TRPC4AP: variants seen among roughly 807,000 people sequenced by gnomAD.
The protein encoded by TRPC4AP is transient receptor potential cation channel subfamily C member 4 associated protein.
TRPC4AP carries 45 observed loss-of-function variants against 99.0 expected under a neutral mutation model. The ratio of observed to expected loss-of-function variants is 0.45; its 90% CI spans 0.36 to 0.58. The LOEUF (loss-of-function observed/expected upper bound fraction) is 0.58. Among genes scored for constraint, TRPC4AP ranks in the 20% least tolerant of loss-of-function variants. TRPC4AP has a pLI of 0.00. For missense variants in TRPC4AP, 879 were observed against 985.3 expected, an observed-to-expected ratio of 0.89 and a Z score of 1.44; for synonymous variants, 408 against 385.8, an observed-to-expected ratio of 1.06 and a Z score of -0.67.
chr20:35,077,044 G>A (rs2084499045), intron 2 of TRPC4AP, among the ~76,000 whole-genome samples: 1 of 152,176 alleles, frequency 6.6e-6, no homozygotes, highest in Admixed American at 6.5e-5. Flanking sequence ...AGGCTCCGTG[G>A]GCATGGGACC....
chr20:35,004,482 G>C lies in TRPC4AP; in HGVS notation c.2025C>G (p.Ile675Met). Residue 675 changes from isoleucine to methionine, a missense_variant, in exon 17 of 19, where the codon ATC (isoleucine) becomes ATG (methionine). This residue lies in a region of TRPC4AP where 224 missense variants were observed against 264.7 expected (regional missense o/e 0.85). Transcript: ENST00000252015. ...CCTGGGTCAGCGTCTGCACGTGGAT[G>C]ATGTTGATGAGGCGGAAGAGGAAGG... ...QMSFLFRLIN[I>M]IHVQTLTQEN... 2 of 1,613,968 alleles carry C rather than the reference G, an allele frequency of 1.2e-6. No homozygotes were observed. The highest frequency in any genetic ancestry group is 1.7e-6 in the Non-Finnish European group (2 of 1,179,912).
intron 7 of TRPC4AP, among the ~76,000 whole-genome samples, chr20:35,041,650 G>T (rs1041169544): frequency 8.5e-5 from 13 of 152,196 alleles, no homozygotes; most frequent in Admixed American, 1.3e-4. Flanking sequence ...AATGGGTAAT[G>T]CTGGTTTTAC....
In TRPC4AP at chr20:35,016,106, G is replaced by T. The variant is rs1179416897; in HGVS notation, c.1252C>A (p.Pro418Thr). ...HRMIAEFKLI[P>T]GLNNLFDKLI... Reference sequence around the variant, plus strand: ...TTGTCAAACAAATTATTAAGTCCAGGGATCAGCTTGAACTCTGCAATCATT... The same window carrying T: ...TTGTCAAACAAATTATTAAGTCCAGTGATCAGCTTGAACTCTGCAATCATT... Residue 418 changes from proline (P) to threonine (T), a missense_variant, in exon 10 of 19, where the codon CCT becomes ACT. This residue lies in a region of TRPC4AP where 603 missense variants were observed against 631.8 expected (regional missense o/e 0.95). Transcript: ENST00000252015. 4.3e-6 allele frequency: 7 copies of T among 1,614,114 alleles called. No homozygotes were observed. The highest frequency in any genetic ancestry group is 5.9e-6 in the Non-Finnish European group (7 of 1,180,022).
chr20:35,073,793 T>C (rs1448950385), intron 2 of TRPC4AP, among the ~76,000 whole-genome samples: 3 of 152,234 alleles, frequency 2.0e-5, no homozygotes, highest in Non-Finnish European at 1.5e-5. Flanking sequence ...TAAAATGAGT[T>C]AGGGAGGATT....
intron 5 of TRPC4AP, among the ~76,000 whole-genome samples, chr20:35,051,599 C>T (rs938138830): frequency 5.5e-5 from 8 of 146,682 alleles, no homozygotes; most frequent in African/African-American, 1.5e-4. Flanking sequence ...GTTCTTCAGT[C>T]GTAGCACTGA....
chr20:35,069,316 C>A lies in TRPC4AP; in HGVS notation c.394G>T (p.Asp132Tyr). ...ETTYPNTYIF[D>Y]LFGGVDLLVE... ...CTTACATCAACACCTCCAAACAAGT[C>A]AAAAATGTAAGTATTTGGATAAGTG... Residue 132 changes from aspartate (D) to tyrosine (Y), a missense_variant, in exon 3 of 19, where the codon GAC (aspartate) becomes TAC (tyrosine). Asp to Tyr is a radical substitution (Grantham distance 160). Around this residue, in one of 3 missense-constraint regions of TRPC4AP, gnomAD observed 603 missense variants for 631.8 expected, o/e 0.95. Coordinates refer to ENST00000252015, the MANE Select transcript of TRPC4AP (RefSeq NM_015638.3). 4 of 1,603,874 alleles carry A rather than the reference C, an allele frequency of 2.5e-6. No homozygotes were observed. The highest frequency in any genetic ancestry group is 1.7e-4 in the Middle Eastern group (1 of 6,032).
chr20:35,083,446 CAA>C (rs961998136), intron 1 of TRPC4AP, among the ~76,000 whole-genome samples: 3 of 138,742 alleles, frequency 2.2e-5, no homozygotes, highest in Admixed American at 7.2e-5. Flanking sequence ...CTAAAAATAC[CAA>C]AAAAAAAAAA....
In TRPC4AP at chr20:35,002,576, C is replaced by T; in HGVS notation, c.*570G>A. 1 of 196,282 alleles carries T rather than the reference C, an allele frequency of 5.1e-6. No individual in the cohort carries two copies. The highest frequency in any genetic ancestry group is 1.0e-5 in the Non-Finnish European group (1 of 97,528). The allele number at this position is 196,282 out of a possible 1,614,324, so 12.2% of individuals were successfully genotyped here. On this transcript the variant is annotated 3_prime_UTR_variant, in exon 19 of 19. Transcript: ENST00000252015. ...TGCCCCAAGGGATGGAGGGAAAGGCCCCTCACTTCTGGGAGAACCCCCTTG... is the reference window on the plus strand; with the variant it reads ...TGCCCCAAGGGATGGAGGGAAAGGCTCCTCACTTCTGGGAGAACCCCCTTG...
intron 10 of TRPC4AP, among the ~76,000 whole-genome samples, chr20:35,014,695 G>A (rs920176027): frequency 2.0e-5 from 3 of 152,170 alleles, no homozygotes; most frequent in Non-Finnish European, 2.9e-5. Flanking sequence ...AAGACAGGTC[G>A]CTGAGGGAAG....
intron 2 of TRPC4AP, among the ~76,000 whole-genome samples, chr20:35,073,100 G>A (rs565248815): frequency 1.3e-5 from 2 of 152,308 alleles, no homozygotes; most frequent in Non-Finnish European, 2.9e-5. Flanking sequence ...GTATAGGAAT[G>A]CTTGCGACTT....
At chr20:35,014,326 T>TTTC (rs1238109212) in intron 10 of TRPC4AP, among the ~76,000 whole-genome samples, 2 of 145,284 alleles carry the variant, frequency 1.4e-5, no homozygotes, top group Non-Finnish European at 1.5e-5. Flanking sequence ...TTTTTTTTTT[T>TTTC]TTTTTTTTTG....
At chr20:35,020,967 A>C (rs1200358761) in intron 9 of TRPC4AP, among the ~76,000 whole-genome samples, 1 of 152,138 alleles carries the variant, frequency 6.6e-6, no homozygotes, top group Non-Finnish European at 1.5e-5. Flanking sequence ...ACCAACCAAG[A>C]CTGCCTAGAA....
At chr20:35,012,272 AAAATATTT>A (rs1177638397) in intron 11 of TRPC4AP, among the ~76,000 whole-genome samples, 2 of 152,260 alleles carry the variant, frequency 1.3e-5, no homozygotes, top group East Asian at 1.9e-4. Context: ...CAAGGTTTTT[AAAATATTT>A]AAACCAACAT....
intron 2 of TRPC4AP, among the ~76,000 whole-genome samples, chr20:35,074,002 G>A (rs1415390544): frequency 2.6e-5 from 4 of 152,268 alleles, no homozygotes; most frequent in East Asian, 1.9e-4. Context: ...TTAGTCTTGG[G>A]AGGGTGTATG....
chr20:35,092,590 GC>G (rs1569163838), intron 1 of TRPC4AP, 23 bp downstream of exon 1: 2 of 425,832 alleles, frequency 4.7e-6, no homozygotes, highest in South Asian at 6.4e-5. Flanking sequence ...GCCCCGCCCC[GC>G]CCCTCCTGGT....
At chr20:35,075,499 C>T (rs994839366) in intron 2 of TRPC4AP, among the ~76,000 whole-genome samples, 4 of 152,128 alleles carry the variant, frequency 2.6e-5, no homozygotes, top group African/African-American at 9.7e-5. Flanking sequence ...AAGGATTTTA[C>T]TTCTCCTTCA....
intron 5 of TRPC4AP, among the ~76,000 whole-genome samples, chr20:35,050,308 C>T (rs937284797): frequency 1.3e-5 from 2 of 152,168 alleles, no homozygotes; most frequent in South Asian, 2.1e-4. Context: ...CAAACAGTGC[C>T]GAAGCATGGA....
chr20:35,017,386 G>C (rs930638784), intron 9 of TRPC4AP, among the ~76,000 whole-genome samples: 3 of 152,160 alleles, frequency 2.0e-5, no homozygotes, highest in African/African-American at 7.2e-5. Context: ...AGAATGTCAA[G>C]GATCAGAGGG....
At chr20:35,038,674 G>A (rs1399915347) in intron 7 of TRPC4AP, among the ~76,000 whole-genome samples, 4 of 152,068 alleles carry the variant, frequency 2.6e-5, no homozygotes, top group Admixed American at 2.0e-4. Flanking sequence ...TTCGAAGGAC[G>A]TTTAAGAAAC....
Sources: allele counts gnomAD v4.1 joint callset (sites outside exome capture counted in the v4.1 genomes callset), GRCh38; gene constraint gnomAD v4.1.1; regional missense constraint gnomAD v4.1.1; transcripts MANE v1.5; gene names NCBI Gene and HGNC (gene_info 2026-07-23, HGNC 2026-07-21).